Variants in XKR6 observed in about 807,000 individuals in gnomAD.
XKR6 encodes XK related 6.
In XKR6, 22 loss-of-function variants were observed where a neutral mutation model predicts 56.7. The ratio of observed to expected loss-of-function variants is 0.39; its 90% CI spans 0.28 to 0.55. XKR6 has a LOEUF of 0.55. XKR6 is among the 20% of genes least tolerant of loss of function. The probability of loss-of-function intolerance (pLI) is 0.66; values close to 1 mark genes in which losing one functional copy is unlikely to be tolerated. For synonymous variants in XKR6, 524 were observed against 387.8 expected, an observed-to-expected ratio of 1.35 and a Z score of -4.13; for missense variants, 852 against 889.0, an observed-to-expected ratio of 0.96 and a Z score of 0.53.
intron 1 of XKR6, among the ~76,000 whole-genome samples, chr8:10,997,361 T>C (rs764682246): frequency 2.0e-5 from 3 of 152,126 alleles, no homozygotes; most frequent in Admixed American, 6.5e-5. Flanking sequence ...ATTGTACAGA[T>C]TGGGGAGATG....
intron 1 of XKR6, among the ~76,000 whole-genome samples, chr8:10,984,732 C>CTTTATATATA: frequency 4.2e-5 from 2 of 47,494 alleles, no homozygotes; most frequent in African/African-American, 1.8e-4. Flanking sequence ...CTCTCTCTCT[C>CTTTATATATA]TATATATATA....
intron 1 of XKR6, among the ~76,000 whole-genome samples, chr8:11,112,463 TA>T (rs1439234034): frequency 6.6e-6 from 1 of 152,072 alleles, no homozygotes; most frequent in Non-Finnish European, 1.5e-5. Context: ...TTTCCAAAAG[TA>T]AAAACATCAG....
chr8:11,068,728 G>C (rs1179605504), intron 1 of XKR6, among the ~76,000 whole-genome samples: 1 of 152,160 alleles, frequency 6.6e-6, no homozygotes, highest in East Asian at 1.9e-4. Context: ...TCCTACAGGA[G>C]CTGCAGCCAA....
chr8:11,139,436 C>T (rs1160507462), intron 1 of XKR6, among the ~76,000 whole-genome samples: 4 of 152,108 alleles, frequency 2.6e-5, no homozygotes, highest in Non-Finnish European at 5.9e-5. Flanking sequence ...ACCCCAACAG[C>T]CTGAGGCACT....
intron 1 of XKR6, among the ~76,000 whole-genome samples, chr8:11,049,558 G>T (rs1799493530): frequency 6.6e-6 from 1 of 152,130 alleles, no homozygotes; most frequent in South Asian, 2.1e-4. Context: ...TTTTTTACTG[G>T]GGAGCCCCAG....
chr8:11,182,196 G>A (rs947295000), intron 1 of XKR6, among the ~76,000 whole-genome samples: 1 of 152,222 alleles, frequency 6.6e-6, no homozygotes, highest in Admixed American at 6.5e-5. Context: ...CCAAAAGGGA[G>A]GACCAGGCTG....
intron 1 of XKR6, among the ~76,000 whole-genome samples, chr8:11,081,771 T>G (rs1347191404): frequency 6.6e-6 from 1 of 152,196 alleles, no homozygotes; most frequent in Non-Finnish European, 1.5e-5. Context: ...TGGGCACTAG[T>G]CAGTCAGAGG....
intron 1 of XKR6, among the ~76,000 whole-genome samples, chr8:11,127,982 C>T (rs1799911455): frequency 6.6e-6 from 1 of 152,142 alleles, no homozygotes; most frequent in Non-Finnish European, 1.5e-5. Flanking sequence ...AATTAGACTG[C>T]ATTTTTCTAT....
chr8:11,116,199 G>T (rs767704111), intron 1 of XKR6, among the ~76,000 whole-genome samples: 2 of 152,166 alleles, frequency 1.3e-5, no homozygotes, highest in Non-Finnish European at 2.9e-5. Context: ...TCCCATGTAT[G>T]TCGGAGGGCA....
intron 1 of XKR6, among the ~76,000 whole-genome samples, chr8:11,037,856 TC>T (rs1444941070): frequency 2.0e-3 from 216 of 110,042 alleles, no homozygotes; most frequent in African/African-American, 9.9e-3. Flanking sequence ...AGACTTGGTT[TC>T]AAAAAAAAAA....
rs763606941 is a variant in XKR6 at position 11,062,899 on chromosome 8, A to G, written c.764+137677T>C. 4.7e-4 allele frequency: 213 copies of G among 455,012 alleles called. 3 individuals carry two copies. Among genetic ancestry groups the G allele is most frequent in the South Asian group, 3.1e-3 (199 of 64,388 alleles). 28.2% of individuals were successfully genotyped at this position (455,012 alleles called of 1,614,324 possible). A position where few individuals can be genotyped will look rare whatever the true frequency, so the allele number is the denominator to read the frequency against. ...GTGTCCCTTCCAGACGTCGTACTGA[A>G]ATTCCCCCACAGGTAATTCTCTATT... On this transcript the variant is annotated intron_variant, in intron 1 of 2. Coordinates refer to ENST00000416569, the MANE Select transcript of XKR6 (RefSeq NM_173683.4).
chr8:11,037,922 G>A (rs942828647), intron 1 of XKR6, among the ~76,000 whole-genome samples: 6 of 151,784 alleles, frequency 4.0e-5, no homozygotes, highest in African/African-American at 1.5e-4. Flanking sequence ...AGCTACTCGG[G>A]AGGCTGAGGC....
intron 1 of XKR6, among the ~76,000 whole-genome samples, chr8:10,933,643 A>G (rs1801132108): frequency 8.9e-6 from 1 of 112,786 alleles, no homozygotes; most frequent in Non-Finnish European, 1.9e-5. Context: ...AGCACCATTT[A>G]TTAAATAGGG....
intron 1 of XKR6, among the ~76,000 whole-genome samples, chr8:11,067,300 C>T (rs1800006500): frequency 6.6e-6 from 1 of 152,158 alleles, no homozygotes; most frequent in Non-Finnish European, 1.5e-5. Flanking sequence ...AGCTTGCATC[C>T]TCTGTGGATT....
At chr8:11,006,510 A>C (rs1451515561) in intron 1 of XKR6, among the ~76,000 whole-genome samples, 1 of 152,212 alleles carries the variant, frequency 6.6e-6, no homozygotes. Flanking sequence ...GATGAGAGAC[A>C]GAAAAGTAAA....
At chr8:10,948,087 G>A (rs750633338) in intron 1 of XKR6, among the ~76,000 whole-genome samples, 12 of 152,146 alleles carry the variant, frequency 7.9e-5, no homozygotes, top group African/African-American at 2.4e-4. Context: ...ATATAACAGC[G>A]GCTGCCATTT....
chr8:10,995,376 T>C (rs1367356611), intron 1 of XKR6, among the ~76,000 whole-genome samples: 1 of 148,266 alleles, frequency 6.7e-6, no homozygotes, highest in South Asian at 2.1e-4. Flanking sequence ...ATATATGATA[T>C]ATGTATATGA....
chr8:11,080,379 GA>G (rs893876032), intron 1 of XKR6, among the ~76,000 whole-genome samples: 3 of 149,424 alleles, frequency 2.0e-5, no homozygotes, highest in South Asian at 2.1e-4. Flanking sequence ...TGGGGAAGGA[GA>G]AAAAAAAAAG....
chr8:11,093,219 C>A lies in XKR6; in HGVS notation c.764+107357G>T, dbSNP rs371847495. On this transcript the variant is annotated intron_variant, in intron 1 of 2. Coordinates refer to ENST00000416569, the MANE Select transcript of XKR6 (RefSeq NM_173683.4). ...CACAGGCGTGTGCCACCATGCCCGG[C>A]TAATTTTGTATTTTTAGTAGAGACA... Among the ~76,000 whole-genome samples, 70 of 152,204 alleles carry A rather than the reference C, an allele frequency of 4.6e-4. 1 individual carries two copies. In the South Asian group the frequency reaches 0.014, roughly 29 times the overall value.
Sources: gnomAD v4.1 joint callset for allele counts (sites outside exome capture counted in the v4.1 genomes callset) on GRCh38, gnomAD v4.1.1 for gene constraint, MANE v1.5 for transcripts, NCBI Gene and HGNC (gene_info 2026-07-23, HGNC 2026-07-21) for gene names.